Variants in DNAH9 observed in about 807,000 individuals in gnomAD.
DNAH9 encodes the protein DNAH9 variant protein.
Under a neutral mutation model 471.6 loss-of-function variants are expected in DNAH9, and 345 were observed. The ratio of observed to expected loss-of-function variants is 0.73; its 90% CI spans 0.67 to 0.80. The LOEUF is 0.80. DNAH9 is among the 30% of genes least tolerant of loss of function. DNAH9 has a pLI of 0.00. For missense variants in DNAH9, 5,407 were observed against 5,609.2 expected (o/e 0.96, Z 1.15); for synonymous variants, 2,093 against 2,123.6 (o/e 0.99, Z 0.40).
intron 53 of DNAH9, among the ~76,000 whole-genome samples, chr17:11,879,425 G>C (rs936070404): frequency 2.6e-5 from 4 of 151,856 alleles, no homozygotes; most frequent in Non-Finnish European, 5.9e-5. Context: ...TAAGATCTTT[G>C]GTTGAGTTCC....
intron 13 of DNAH9, 130 bp downstream of exon 13, chr17:11,651,454 C>A: frequency 1.1e-6 from 1 of 924,966 alleles, no homozygotes; most frequent in Non-Finnish European, 1.6e-6. Context: ...TCTCCTTTGA[C>A]ACATATCCAA....
At chr17:11,845,194 C>T (rs1971178849) in intron 49 of DNAH9, among the ~76,000 whole-genome samples, 1 of 134,842 alleles carries the variant, frequency 7.4e-6, no homozygotes, top group South Asian at 2.7e-4. Flanking sequence ...TGTGATGTTC[C>T]CCTTCCTGTG....
At chr17:11,825,352 A>G (rs570861233) in intron 48 of DNAH9, among the ~76,000 whole-genome samples, 110 of 151,846 alleles carry the variant, frequency 7.2e-4, no homozygotes, top group African/African-American at 2.6e-3. Flanking sequence ...CCCTCACAAC[A>G]TTTTCCACCA....
intron 6 of DNAH9, among the ~76,000 whole-genome samples, chr17:11,625,076 GCA>G (rs3039431): frequency 0.085 from 12,676 of 149,856 alleles, 1,074 homozygotes; most frequent in South Asian, 0.22. Context: ...ATGCATCAGT[GCA>G]CACACACACA....
Position 11,757,544 on chromosome 17 carries a change from G to T in DNAH9, c.6848-1G>T, listed in dbSNP as rs1281635283. On this transcript the variant is annotated splice_acceptor_variant, in intron 34 of 68. Coordinates refer to ENST00000262442, the MANE Select transcript of DNAH9 (RefSeq NM_001372.4). LOFTEE classifies it high-confidence loss of function. ...CTAAACTGTATTCTCTGTGCTCACAGGGATCTTGTACATCAACCCGGCAGA... is the reference window on the plus strand; with the variant it reads ...CTAAACTGTATTCTCTGTGCTCACATGGATCTTGTACATCAACCCGGCAGA... The T allele has an allele frequency of 1.2e-6, 2 of 1,612,110 alleles. No individual in the cohort carries two copies. The highest frequency in any genetic ancestry group is 4.5e-5 in the East Asian group (2 of 44,890).
At chr17:11,784,182 G>A (rs2150898295) in intron 40 of DNAH9, 118 bp from the exon 41 acceptor site, 2 of 1,508,810 alleles carry the variant, frequency 1.3e-6, no homozygotes, top group East Asian at 4.5e-5. Context: ...GTGAGAGATG[G>A]GACCAAAATA....
rs1977007927 is a variant in DNAH9 at position 11,969,288 on chromosome 17, T to G, written c.13234-12T>G. 2 of 1,612,516 alleles carry G rather than the reference T, an allele frequency of 1.2e-6. No homozygotes were observed. Among genetic ancestry groups the G allele is most frequent in the African/African-American group, 2.7e-5 (2 of 74,844 alleles). On this transcript the variant is annotated splice_polypyrimidine_tract_variant and intron_variant, in intron 68 of 68. Transcript: ENST00000262442. ...CTGATCTAAGGTGCCTCTTCTCATG[T>G]TTTATCCTCAGGCTGGGATCATTAC... is the stretch of plus-strand genomic sequence containing the variant.
intron 26 of DNAH9, among the ~76,000 whole-genome samples, chr17:11,712,446 G>A (rs948666766): frequency 6.6e-6 from 1 of 151,890 alleles, no homozygotes; most frequent in Non-Finnish European, 1.5e-5. Context: ...TGAATACTAG[G>A]AGGAAAATTG....
chr17:11,947,772 A>ATTTTTTT (rs71367359), intron 67 of DNAH9, among the ~76,000 whole-genome samples: 1 of 108,344 alleles, frequency 9.2e-6, no homozygotes, highest in African/African-American at 3.9e-5. Context: ...GCTGGGAACT[A>ATTTTTTT]TTTTTTTTTT....
intron 31 of DNAH9, 111 bp from the exon 32 acceptor site, chr17:11,747,445 C>T: frequency 1.3e-6 from 1 of 773,704 alleles, no homozygotes; most frequent in Non-Finnish European, 2.2e-6. Flanking sequence ...ATAACTCTTC[C>T]TCTGTTGACT....
intron 49 of DNAH9, among the ~76,000 whole-genome samples, chr17:11,837,581 G>A (rs1430836431): frequency 1.3e-5 from 2 of 152,348 alleles, no homozygotes; most frequent in East Asian, 3.9e-4. Context: ...TAGCCCCTAA[G>A]TTGCTCTCTC....
At chr17:11,818,519 T>C (rs1970190567) in intron 45 of DNAH9, among the ~76,000 whole-genome samples, 1 of 152,098 alleles carries the variant, frequency 6.6e-6, no homozygotes, top group Non-Finnish European at 1.5e-5. Flanking sequence ...TGCTAACATT[T>C]CTGTCAGTTA....
chr17:11,800,367 T>C (rs1969409674), intron 43 of DNAH9, among the ~76,000 whole-genome samples: 1 of 151,060 alleles, frequency 6.6e-6, no homozygotes, highest in Non-Finnish European at 1.5e-5. Context: ...TTATCTCCTC[T>C]CTCTCTCTCT....
chr17:11,689,553 C>T lies in DNAH9; in HGVS notation c.3744-13C>T. ...CGTGCCATACTTACAAAGGAACACA[C>T]TGTGTTTTGTAGGTTTGATAGCATC... On this transcript the variant is annotated splice_polypyrimidine_tract_variant and intron_variant, in intron 19 of 68. Coordinates refer to ENST00000262442, the MANE Select transcript of DNAH9 (RefSeq NM_001372.4). 6.2e-7 allele frequency: 1 copy of T among 1,601,064 alleles called. No homozygotes were observed. The highest frequency in any genetic ancestry group is 8.5e-7 in the Non-Finnish European group (1 of 1,173,510).
intron 35 of DNAH9, among the ~76,000 whole-genome samples, chr17:11,762,770 G>GTTTTGTTTTTTTT (rs1967747335): frequency 4.4e-5 from 4 of 90,790 alleles, no homozygotes; most frequent in Non-Finnish European, 4.4e-5. Context: ...TTTTTTTTTT[G>GTTTTGTTTTTTTT]TTTTTTTTTT....
At chr17:11,871,549 ACCTACTGTGTAACACGCCT>A (rs755322335) in intron 51 of DNAH9, 30 bp from the exon 52 acceptor site, 3 of 1,557,948 alleles carry the variant, frequency 1.9e-6, no homozygotes, top group Non-Finnish European at 2.6e-6. Context: ...CGGCTCTATC[ACCTACTGTGTAACACGCCT>A]CCTCTCCTCT....
intron 35 of DNAH9, among the ~76,000 whole-genome samples, chr17:11,761,104 G>C (rs999156644): frequency 1.3e-5 from 2 of 152,222 alleles, no homozygotes; most frequent in African/African-American, 4.8e-5. Flanking sequence ...TATGTGACTA[G>C]TTCTTCTCCT....
At chr17:11,819,610 G>A (rs2150938023) in intron 45 of DNAH9, among the ~76,000 whole-genome samples, 1 of 152,008 alleles carries the variant, frequency 6.6e-6, no homozygotes, top group African/African-American at 2.4e-5. Context: ...TCGAACTCCT[G>A]ACCTTGTGAT....
rs968505641 is a variant in DNAH9, at chr17:11,932,331, G to T, written c.12297+126G>T. On this transcript the variant is annotated intron_variant, in intron 64 of 68. Coordinates refer to ENST00000262442, the MANE Select transcript of DNAH9 (RefSeq NM_001372.4). This position sits in a 1 kb window ranked among gnomAD's most constrained non-coding sequence, Gnocchi z 4.3. The stretch of plus-strand genomic sequence containing the variant: ...ATGTGCATTTCTAACAAGCTCCCTC[G>T]TGATGCAGATGCTGCTGATTCGGGG... 1.0e-6 allele frequency: 1 copy of T among 970,918 alleles called. No homozygotes were observed. The highest frequency in any genetic ancestry group is 1.6e-5 in the African/African-American group (1 of 60,730). 60.1% of individuals were successfully genotyped at this position (970,918 alleles called of 1,614,324 possible). A position where few individuals can be genotyped will look rare whatever the true frequency, so the allele number is the denominator to read the frequency against.
Sources: allele counts gnomAD v4.1 joint callset (sites outside exome capture counted in the v4.1 genomes callset), GRCh38; gene constraint gnomAD v4.1.1; non-coding constraint Gnocchi (gnomAD v3.1); transcripts MANE v1.5; gene names NCBI Gene and HGNC (gene_info 2026-07-23, HGNC 2026-07-21).